Variants in HEATR5B observed in about 807,000 individuals in gnomAD.
HEATR5B encodes the protein HEAT repeat-containing protein 5B.
In HEATR5B, 156 loss-of-function variants were observed where a neutral mutation model predicts 224.1. That is an observed-to-expected ratio of 0.70 (90% CI 0.61 to 0.80). The LOEUF (loss-of-function observed/expected upper bound fraction) is 0.80, where lower values mean the gene tolerates loss of function less well. HEATR5B is among the 30% of genes least tolerant of loss of function. The pLI is 0.00. For synonymous variants in HEATR5B, 1,027 were observed against 893.0 expected, an observed-to-expected ratio of 1.15 and a Z score of -2.68; for missense variants, 2,323 against 2,535.5, an observed-to-expected ratio of 0.92 and a Z score of 1.80.
At position 37,058,869 on chromosome 2, in the gene HEATR5B, G is replaced by C. The variant is rs1245946161; in HGVS notation, c.1949+19C>G. ...AATATATAAAATAGGATGTGAACTT[G>C]TCTCAATCGCTTACTTACTGTGACA... is the stretch of plus-strand genomic sequence containing the variant. On this transcript the variant is annotated intron_variant, in intron 13 of 35. Coordinates refer to ENST00000233099, the MANE Select transcript of HEATR5B (RefSeq NM_019024.3). The C allele has an allele frequency of 1.4e-6, 2 of 1,444,628 alleles. No homozygotes were observed. Among genetic ancestry groups the C allele is most frequent in the South Asian group, 1.2e-5 (1 of 84,554 alleles). The allele number at this position is 1,444,628 out of a possible 1,614,324, so 89.5% of individuals were successfully genotyped here. A position where few individuals can be genotyped will look rare whatever the true frequency, so the allele number is the denominator to read the frequency against.
intron 23 of HEATR5B, 97 bp downstream of exon 23, chr2:37,028,562 TTATTACTTTTAAATAAAACCTA>T: frequency 2.8e-6 from 2 of 720,226 alleles, no homozygotes; most frequent in Non-Finnish European, 4.2e-6. Context: ...AGATCAAAAG[TTATTACTTTTAAATAAAACCTA>T]TAATTTACAT....
At chr2:37,084,210 G>A (rs1473201220) in intron 1 of HEATR5B, 59 bp downstream of exon 1, 1 of 352,876 alleles carries the variant, frequency 2.8e-6, no homozygotes, top group Non-Finnish European at 5.1e-6. Flanking sequence ...CCACCCGTCT[G>A]AAAATGTACG....
At chr2:37,014,614 A>G (rs1667998145) in intron 26 of HEATR5B, among the ~76,000 whole-genome samples, 2 of 152,064 alleles carry the variant, frequency 1.3e-5, no homozygotes, top group Admixed American at 6.6e-5. Flanking sequence ...GTCTTGAATA[A>G]TTCTTCAACA....
intron 33 of HEATR5B, among the ~76,000 whole-genome samples, chr2:36,996,179 G>A (rs553798199): frequency 4.2e-4 from 63 of 151,596 alleles, no homozygotes; most frequent in African/African-American, 1.4e-3. Context: ...TTCTGCCTCA[G>A]CCTCCTGAGT....
chr2:36,991,931 T>A (rs1333360226), intron 33 of HEATR5B, among the ~76,000 whole-genome samples: 1 of 152,114 alleles, frequency 6.6e-6, no homozygotes, highest in African/African-American at 2.4e-5. Context: ...GAAATAAAGT[T>A]TAAAAAAAGA....
Position 37,065,787 on chromosome 2 carries a change from G to A in HEATR5B, c.1301C>T (p.Thr434Ile). 1.2e-6 allele frequency: 2 copies of A among 1,613,796 alleles called. No homozygotes were observed. Among genetic ancestry groups the A allele is most frequent in the South Asian group, 1.1e-5 (1 of 91,050 alleles). The change falls in exon 9 of 36, where the codon ACC becomes ATC. Residue 434 changes from threonine to isoleucine, a missense_variant. Transcript: ENST00000233099. Reference sequence around the variant, plus strand: ...TGCTTCTTGAATAAGAGGGGATGCGGTGGCATTCAAGCTCTGCACCAGGCT... The same window carrying A: ...TGCTTCTTGAATAAGAGGGGATGCGATGGCATTCAAGCTCTGCACCAGGCT... ...LGSLVQSLNA[T>I]ASPLIQEASI...
intron 30 of HEATR5B, 41 bp from the exon 31 acceptor site, chr2:37,003,727 C>T (rs1295954635): frequency 7.2e-7 from 1 of 1,393,752 alleles, no homozygotes; most frequent in Non-Finnish European, 9.7e-7. Context: ...TAATTTCAAT[C>T]TCAAAGAATA....
intron 21 of HEATR5B, among the ~76,000 whole-genome samples, chr2:37,034,645 C>T (rs929887641): frequency 2.1e-5 from 3 of 141,950 alleles, no homozygotes; most frequent in South Asian, 2.4e-4. Context: ...AAAAAGACAT[C>T]GCCCAGGCTG....
chr2:37,055,946 A>C (rs1035318153), intron 16 of HEATR5B, among the ~76,000 whole-genome samples: 18 of 152,232 alleles, frequency 1.2e-4, no homozygotes, highest in Admixed American at 6.5e-5. Context: ...TACAAAAAGA[A>C]CCAATTATGT....
At position 37,014,317 on chromosome 2, in the gene HEATR5B, A is replaced by G. The variant is rs567258208; in HGVS notation, c.4105-297T>C. 1.1e-4 allele frequency among the ~76,000 whole-genome samples: 16 copies of G among 151,808 alleles called. No individual in the cohort carries two copies. In the South Asian group the frequency reaches 3.1e-3, roughly 30 times the overall value. On this transcript the variant is annotated intron_variant, in intron 26 of 35. Coordinates refer to ENST00000233099, the MANE Select transcript of HEATR5B (RefSeq NM_019024.3). The stretch of plus-strand genomic sequence containing the variant: ...GCTGGGACTACAGGCGCGTGCCACC[A>G]CACTTGGCTAATTTTTTTGTATTTT...
chr2:37,082,228 C>A (rs1672627028), intron 2 of HEATR5B, among the ~76,000 whole-genome samples: 1 of 151,488 alleles, frequency 6.6e-6, no homozygotes, highest in Admixed American at 6.6e-5. Context: ...CACGACCACG[C>A]CTGGCTAATT....
At chr2:37,065,018 T>G (rs1404823511) in intron 9 of HEATR5B, 28 bp from the exon 10 acceptor site, 1 of 1,603,012 alleles carries the variant, frequency 6.2e-7, no homozygotes. Context: ...AAAATATTAC[T>G]CTTTAATGAA....
At chr2:37,027,646 T>C (rs1162684780) in intron 24 of HEATR5B, among the ~76,000 whole-genome samples, 2 of 152,128 alleles carry the variant, frequency 1.3e-5, no homozygotes, top group South Asian at 2.1e-4. Context: ...AAAACCTAAG[T>C]AACTGCCATC....
At chr2:37,039,590 T>G (rs1669751617) in intron 20 of HEATR5B, among the ~76,000 whole-genome samples, 1 of 152,232 alleles carries the variant, frequency 6.6e-6, no homozygotes, top group African/African-American at 2.4e-5. Context: ...AAAATAGAGA[T>G]AATATCAGTC....
Position 37,056,502 on chromosome 2 carries a change from T to C in HEATR5B, c.2337A>G (p.Ser779=). The C allele has an allele frequency of 6.2e-7, 1 of 1,613,264 alleles. No individual in the cohort carries two copies. The highest frequency in any genetic ancestry group is 8.5e-7 in the Non-Finnish European group (1 of 1,179,544). The change falls in exon 16 of 36, where the codon TCA becomes TCG. Residue 779 remains serine, a synonymous_variant. Transcript: ENST00000233099. ...AVPGPLPLGV[S]VIDASVALFG... is the part of the protein sequence containing the mutation. ...AAAGGGCCACAGAAGCATCAATGAC[T>C]GAGACTCCGAGAGGGAGGGGACCAG...
At chr2:37,083,488 G>T (rs988722549) in intron 1 of HEATR5B, 52 bp from the exon 2 acceptor site, 6 of 1,359,340 alleles carry the variant, frequency 4.4e-6, no homozygotes, top group Middle Eastern at 1.8e-4. Flanking sequence ...AATGTTAAAA[G>T]TCAAGCTTAA....
intron 26 of HEATR5B, among the ~76,000 whole-genome samples, chr2:37,017,540 G>C (rs184093168): frequency 3.3e-5 from 5 of 151,688 alleles, no homozygotes; most frequent in Admixed American, 3.3e-4. Flanking sequence ...CAAAAAATTA[G>C]CTGGGCATGG....
In HEATR5B at chr2:37,005,628, G is replaced by GT; in HGVS notation, c.4905+3dup. The GT allele has an allele frequency of 6.2e-7, 1 of 1,612,872 alleles. No homozygotes were observed. The highest frequency in any genetic ancestry group is 8.5e-7 in the Non-Finnish European group (1 of 1,179,102). Reference sequence around the variant, plus strand: ...CAAGTATCTATCATAGCAATACACTGTACCTGATCTTCTGCAATATGGACT... The same window carrying GT: ...CAAGTATCTATCATAGCAATACACTGTTACCTGATCTTCTGCAATATGGACT... On this transcript the variant is annotated splice_donor_region_variant and intron_variant, in intron 30 of 35. Coordinates refer to ENST00000233099, the MANE Select transcript of HEATR5B (RefSeq NM_019024.3).
intron 10 of HEATR5B, among the ~76,000 whole-genome samples, chr2:37,062,838 G>T (rs190750525): frequency 6.6e-6 from 1 of 151,990 alleles, no homozygotes; most frequent in Admixed American, 6.5e-5. Context: ...CCCAGGCTGG[G>T]GTGCAGTGGC....
Sources: allele counts gnomAD v4.1 joint callset (sites outside exome capture counted in the v4.1 genomes callset), GRCh38; gene constraint gnomAD v4.1.1; transcripts MANE v1.5; gene names NCBI Gene and HGNC (gene_info 2026-07-23, HGNC 2026-07-21).